Variants in TLR7 observed in about 807,000 individuals in gnomAD.
TLR7 encodes the protein toll-like receptor 7.
Under a neutral mutation model 38.3 loss-of-function variants are expected in TLR7, and 12 were observed. The ratio of observed to expected loss-of-function variants is 0.31; its 90% CI spans 0.20 to 0.51. The LOEUF is 0.51. Ranked by LOEUF, TLR7 falls within the 20% of genes least tolerant of loss-of-function variation. The pLI is 0.98. For missense variants in TLR7, 504 were observed against 743.4 expected, an observed-to-expected ratio of 0.68 and a Z score of 3.74; for synonymous variants, 285 against 293.8, an observed-to-expected ratio of 0.97 and a Z score of 0.31.
Position 12,885,536 on chromosome X carries a change from A to G in TLR7, c.28A>G (p.Arg10Gly), listed in dbSNP as rs1490750885. Residue 10 changes from arginine to glycine, a missense_variant, in exon 3 of 3, where the codon AGA (arginine) becomes GGA (glycine). By Grantham distance (125) the Arg-to-Gly change is moderately radical (BLOSUM62 -2). Coordinates refer to ENST00000380659, the MANE Select transcript of TLR7 (RefSeq NM_016562.4). Reference protein sequence around the residue: MVFPMWTLKRQILILFNIIL... With the variant: MVFPMWTLKGQILILFNIIL... The stretch of plus-strand genomic sequence containing the variant: ...GGTGTTTCCAATGTGGACACTGAAG[A>G]GACAAATTCTTATCCTTTTTAACAT... 1 of 1,203,636 alleles carries G rather than the reference A, an allele frequency of 8.3e-7. No homozygotes were observed. Among genetic ancestry groups the G allele is most frequent in the African/African-American group, 1.7e-5 (1 of 57,699 alleles).
chrX:12,874,156 C>T, intron 2 of TLR7, among the ~76,000 whole-genome samples: 1 of 110,852 alleles, frequency 9.0e-6, no homozygotes, highest in East Asian at 2.8e-4. Context: ...CCCGTCTCTG[C>T]TAAAAATACA....
At chrX:12,878,742 T>C (rs748317073) in intron 2 of TLR7, among the ~76,000 whole-genome samples, 2 of 109,731 alleles carry the variant, frequency 1.8e-5, no homozygotes, top group Non-Finnish European at 3.8e-5. Flanking sequence ...CCTCTCTCAA[T>C]TGAATCAACT....
chrX:12,879,645 G>A (rs992250841), intron 2 of TLR7, among the ~76,000 whole-genome samples: 3 of 97,670 alleles, frequency 3.1e-5, no homozygotes, highest in Non-Finnish European at 3.9e-5. Context: ...GGTGGAAGCA[G>A]ACAGGAGAAA....
intron 2 of TLR7, among the ~76,000 whole-genome samples, chrX:12,873,655 C>A (rs1360095320): frequency 8.9e-6 from 1 of 111,978 alleles, no homozygotes; most frequent in African/African-American, 3.2e-5. Context: ...CCCCTCTTCC[C>A]AGGGAAGGCC....
intron 2 of TLR7, among the ~76,000 whole-genome samples, 199 bp from the exon 3 acceptor site, chrX:12,885,313 A>C (rs764182829): frequency 1.8e-5 from 2 of 112,598 alleles, no homozygotes; most frequent in South Asian, 7.4e-4. Flanking sequence ...CTAAAAGCTA[A>C]ATATGTAACT....
At chrX:12,882,796 G>A (rs5743771) in intron 2 of TLR7, among the ~76,000 whole-genome samples, 2,303 of 111,820 alleles carry the variant, frequency 0.021, 55 homozygotes, top group African/African-American at 0.07. Flanking sequence ...CGCAGTATGA[G>A]GACTGCTGTG....
intron 2 of TLR7, among the ~76,000 whole-genome samples, chrX:12,879,318 C>A (rs2042883552): frequency 8.9e-6 from 1 of 112,058 alleles, no homozygotes; most frequent in South Asian, 3.7e-4. Flanking sequence ...ACATCCGCAT[C>A]ACATATTTTA....
chrX:12,879,458 G>A (rs753376696), intron 2 of TLR7, among the ~76,000 whole-genome samples: 27 of 111,876 alleles, frequency 2.4e-4, no homozygotes, highest in Non-Finnish European at 4.3e-4. Context: ...TAAACTCTTG[G>A]CAGTCAGCAG....
At chrX:12,867,316 A>G (rs2042837541) in intron 1 of TLR7, among the ~76,000 whole-genome samples, 165 bp from the exon 2 acceptor site, 1 of 112,468 alleles carries the variant, frequency 8.9e-6, no homozygotes, top group Admixed American at 9.4e-5. Context: ...GTAACGTTAG[A>G]AATGGTTTTC....
In TLR7 at chrX:12,888,775, C is replaced by A. The variant is rs948229635; in HGVS notation, c.*117C>A. The A allele has an allele frequency of 1.0e-5, 9 of 884,145 alleles. No homozygotes were observed. Among genetic ancestry groups the A allele is most frequent in the African/African-American group, 4.0e-5 (2 of 49,619 alleles). 72.9% of individuals were successfully genotyped at this position (884,145 alleles called of 1,213,427 possible). A position where few individuals can be genotyped will look rare whatever the true frequency, so the allele number is the denominator to read the frequency against. ...TGAAATTCTTCAAGAAATGAGATTG[C>A]CCATATTTCAGGGGAGCCACCAACG... On this transcript the variant is annotated 3_prime_UTR_variant, in exon 3 of 3. Coordinates refer to ENST00000380659, the MANE Select transcript of TLR7 (RefSeq NM_016562.4).
chrX:12,885,772 G>A lies in TLR7; in HGVS notation c.264G>A (p.Leu88=). The A allele has an allele frequency of 8.3e-7, 1 of 1,211,906 alleles. No homozygotes were observed. ...PDISPASFHR[L]DHLVEIDFRC... ...TCTCCCCAGCGTCCTTTCACAGACT[G>A]GACCATCTGGTAGAGATCGATTTCA... Residue 88 remains leucine, a synonymous_variant, in exon 3 of 3, where the codon CTG becomes CTA. Transcript: ENST00000380659.
At chrX:12,876,181 C>G (rs1451142455) in intron 2 of TLR7, among the ~76,000 whole-genome samples, 1 of 111,773 alleles carries the variant, frequency 8.9e-6, no homozygotes, top group Non-Finnish European at 1.9e-5. Context: ...TGGTCTCAAA[C>G]TCCTCACCTC....
At chrX:12,883,067 C>G (rs1244180726) in intron 2 of TLR7, among the ~76,000 whole-genome samples, 2 of 111,719 alleles carry the variant, frequency 1.8e-5, no homozygotes, top group Non-Finnish European at 3.8e-5. Context: ...GGGTCCAGGG[C>G]CTGGGATCCT....
chrX:12,869,719 G>A (rs1254188803), intron 2 of TLR7, among the ~76,000 whole-genome samples: 5 of 107,618 alleles, frequency 4.6e-5, no homozygotes, highest in Non-Finnish European at 7.6e-5. Flanking sequence ...TGCACATCCT[G>A]CACATGTACC....
rs748010190 is a variant in TLR7 at position 12,878,967 on chromosome X, AC to A, written c.4-6542del. ...ACTACAGTAGAAGTTGGCTTTTTCA[AC>A]CCTGCAAAGCCTTAAAATTCAGGAT... On this transcript the variant is annotated intron_variant, in intron 2 of 2. Coordinates refer to ENST00000380659, the MANE Select transcript of TLR7 (RefSeq NM_016562.4). 8.9e-5 allele frequency among the ~76,000 whole-genome samples: 10 copies of A among 112,077 alleles called. No homozygotes were observed. In the East Asian group the frequency reaches 2.8e-3, roughly 31 times the overall value.
intron 2 of TLR7, among the ~76,000 whole-genome samples, chrX:12,877,826 G>C (rs1473686295): frequency 9.0e-6 from 1 of 111,124 alleles, no homozygotes; most frequent in African/African-American, 3.3e-5. Flanking sequence ...AAACCCTCCT[G>C]GTCTCTCCTT....
chrX:12,886,813 T>C lies in TLR7; in HGVS notation c.1305T>C (p.Pro435=), dbSNP rs1374168638. Residue 435 remains proline, a synonymous_variant, in exon 3 of 3, where the codon CCT becomes CCC. Transcript: ENST00000380659. ...VIDLSVNKIS[P]SGDSSEVGFC... ...ATCTTTCAGTGAATAAAATATCACC[T>C]TCAGGAGATTCAAGTGAAGTTGGCT... is the stretch of plus-strand genomic sequence containing the variant. 2 of 1,210,254 alleles carry C rather than the reference T, an allele frequency of 1.7e-6. No individual in the cohort carries two copies. The highest frequency in any genetic ancestry group is 2.3e-4 in the Middle Eastern group (1 of 4,351).
At chrX:12,874,148 C>T (rs1390283458) in intron 2 of TLR7, among the ~76,000 whole-genome samples, 1 of 110,906 alleles carries the variant, frequency 9.0e-6, no homozygotes, top group Admixed American at 9.6e-5. Context: ...GGTGAAACCC[C>T]GTCTCTGCTA....
chrX:12,887,861 T>G lies in TLR7; in HGVS notation c.2353T>G (p.Phe785Val). 1 of 1,211,574 alleles carries G rather than the reference T, an allele frequency of 8.3e-7. No individual in the cohort carries two copies. ...GATGTTGCTTTTGCATCATAATCGG[T>G]TTCTGTGCACCTGTGATGCTGTGTG... is the stretch of plus-strand genomic sequence containing the variant. ...LKMLLLHHNR[F>V]LCTCDAVWFV... Residue 785 changes from phenylalanine to valine, a missense_variant, in exon 3 of 3, where the codon TTT becomes GTT. Physicochemically the swap from Phe to Val is conservative, Grantham distance 50. Coordinates refer to ENST00000380659, the MANE Select transcript of TLR7 (RefSeq NM_016562.4).
Sources: gnomAD v4.1 joint callset for allele counts (sites outside exome capture counted in the v4.1 genomes callset) on GRCh38, gnomAD v4.1.1 for gene constraint, MANE v1.5 for transcripts, NCBI Gene and HGNC (gene_info 2026-07-23, HGNC 2026-07-21) for gene names.